Variants in ERMP1 observed in about 807,000 individuals in gnomAD.
ERMP1 encodes endoplasmic reticulum metallopeptidase 1.
Under a neutral mutation model 92.0 loss-of-function variants are expected in ERMP1, and 86 were observed. That is an observed-to-expected ratio of 0.93 (90% CI 0.79 to 1.12). The LOEUF is 1.12. Ranked by LOEUF, ERMP1 falls within the 50% of genes most tolerant of loss-of-function variation. The pLI, the probability that ERMP1 is intolerant of heterozygous loss-of-function variation, is 0.00. For missense variants in ERMP1, 1,342 were observed against 1,116.3 expected (o/e 1.20, Z -2.88); for synonymous variants, 530 against 412.8 (o/e 1.28, Z -3.44).
upstream of ERMP1, chr9:5,833,152 C>T (rs1190027747): frequency 1.1e-6 from 1 of 884,808 alleles, no homozygotes; most frequent in Non-Finnish European, 1.6e-6. Context: ...GGCCAAACTT[C>T]TTCTGATTGG....
chr9:5,812,723 TG>T, intron 5 of ERMP1, 165 bp downstream of exon 5: 1 of 747,634 alleles, frequency 1.3e-6, no homozygotes, highest in Non-Finnish European at 2.3e-6. Flanking sequence ...TAAATTAGTA[TG>T]GAGTTTAAAA....
chr9:5,801,414 T>C, intron 10 of ERMP1, 86 bp from the exon 11 acceptor site: 1 of 1,363,560 alleles, frequency 7.3e-7, no homozygotes. Context: ...TTTTTAACAG[T>C]ATTACCTAAC....
chr9:5,829,882 C>G (rs1404665465), intron 2 of ERMP1, among the ~76,000 whole-genome samples: 1 of 152,194 alleles, frequency 6.6e-6, no homozygotes. Context: ...CCTTTAACCA[C>G]TGAATACAAT....
chr9:5,803,371 A>T (rs1022955523), intron 10 of ERMP1, among the ~76,000 whole-genome samples: 3 of 152,178 alleles, frequency 2.0e-5, no homozygotes, highest in Non-Finnish European at 2.9e-5. Flanking sequence ...TTTCCCAATA[A>T]AATATAATTT....
At chr9:5,834,506 T>C (rs1830058239), upstream of ERMP1, among the ~76,000 whole-genome samples, 1 of 152,208 alleles carries the variant, frequency 6.6e-6, no homozygotes, top group African/African-American at 2.4e-5. Context: ...TCAATAGATA[T>C]TTCTTGAGTG....
At chr9:5,864,224 C>A (rs570304851) in intron 5 of ERMP1, among the ~76,000 whole-genome samples, 1 of 152,286 alleles carries the variant, frequency 6.6e-6, no homozygotes, top group Admixed American at 6.5e-5. Context: ...TTGCTTGAGG[C>A]CATTTTCAAA....
At position 5,817,063 on chromosome 9, in the gene ERMP1, T is replaced by C. The variant is rs189281625; in HGVS notation, c.875-4028A>G. 1.1e-4 allele frequency among the ~76,000 whole-genome samples: 16 copies of C among 150,246 alleles called. 1 individual carries two copies. The Admixed American group carries it at 1.1e-3, about 10-fold the overall frequency. ...ACAGGCGCCTGCCAATATGCCCGGG[T>C]AATTTTTTGTATTTTTAGTAGAGAT... On this transcript the variant is annotated intron_variant, in intron 4 of 14. Transcript: ENST00000339450.
chr9:5,828,275 G>A (rs1829802580), intron 2 of ERMP1, among the ~76,000 whole-genome samples: 1 of 152,170 alleles, frequency 6.6e-6, no homozygotes, highest in Admixed American at 6.5e-5. Context: ...TCCAAAATAT[G>A]TCACTTTGAC....
Position 5,798,027 on chromosome 9 carries a change from G to T in ERMP1, c.2271-95C>A. The T allele has an allele frequency of 3.8e-6, 3 of 793,626 alleles. No individual in the cohort carries two copies. In the South Asian group the frequency reaches 4.6e-5, roughly 12 times the overall value. The allele number at this position is 793,626 out of a possible 1,614,324, so 49.2% of individuals were successfully genotyped here. On this transcript the variant is annotated intron_variant, in intron 12 of 14. Transcript: ENST00000339450. ...GTTCAGCATATATGAACACATTTTT[G>T]GGTATGAAAATAAACTGACAGACAT...
rs533387599 is a variant in ERMP1, at chr9:5,864,605, G to C, written n.3055+3197C>G. Among the ~76,000 whole-genome samples, 17 of 152,310 alleles carry C rather than the reference G, an allele frequency of 1.1e-4. No homozygotes were observed. The South Asian group carries it at 3.3e-3, about 30-fold the overall frequency. ...TGTCAAAATGACAGGCTTTCCTCAG[G>C]GGGTGGTAGAGATGTTTGGGGCAGG... On this transcript the variant is annotated intron_variant and non_coding_transcript_variant, in intron 5 of 6. Coordinates refer to the ERMP1 transcript ENST00000690753.
chr9:5,832,680 C>T lies in ERMP1; in HGVS notation c.338+10G>A, dbSNP rs1385106173. The T allele has an allele frequency of 1.2e-5, 17 of 1,418,170 alleles. No homozygotes were observed. The highest frequency in any genetic ancestry group is 1.6e-5 in the Non-Finnish European group (17 of 1,092,470). 87.8% of individuals were successfully genotyped at this position (1,418,170 alleles called of 1,614,324 possible). On this transcript the variant is annotated intron_variant, in intron 1 of 14. Coordinates refer to ENST00000339450, the MANE Select transcript of ERMP1 (RefSeq NM_024896.3). ...ACGCGCGGGCCGTGCCAGGAGGGAG[C>T]GGCCGGTACCTGGCTTGGAGCGCGT...
intron 6 of ERMP1, among the ~76,000 whole-genome samples, chr9:5,838,686 GT>G (rs1191508551): frequency 1.3e-5 from 2 of 151,794 alleles, no homozygotes; most frequent in Non-Finnish European, 2.9e-5. Context: ...AAAAATAAGA[GT>G]TAAATAAATT....
chr9:5,855,988 T>G (rs945051985), intron 6 of ERMP1: 1 of 302,210 alleles, frequency 3.3e-6, no homozygotes, highest in South Asian at 3.9e-5. Context: ...CTAATGGTTC[T>G]CCAGAGATGT....
chr9:5,810,362 C>T, intron 7 of ERMP1, 131 bp from the exon 8 acceptor site: 1 of 638,648 alleles, frequency 1.6e-6, no homozygotes, highest in Non-Finnish European at 2.7e-6. Context: ...ATGAAAATGT[C>T]CTAGTGTTGA....
chr9:5,789,865 G>A lies in ERMP1; in HGVS notation c.2387-2272C>T, dbSNP rs62558093. ...ACCTGGCCTTTTTTTTTTTTTTTTG[G>A]TAGAGATGGGGTCTCCCCGTGTTGC... On this transcript the variant is annotated intron_variant, in intron 13 of 14. Transcript: ENST00000339450. 4.7e-5 allele frequency among the ~76,000 whole-genome samples: 4 copies of A among 84,406 alleles called. No homozygotes were observed. The East Asian group carries it at 4.4e-3, about 93-fold the overall frequency. The allele number at this position is 84,406 out of a possible 152,430, so 55.4% of individuals were successfully genotyped here. A position where few individuals can be genotyped will look rare whatever the true frequency, so the allele number is the denominator to read the frequency against.
At chr9:5,813,080 T>TG (rs1483682382) in intron 4 of ERMP1, 45 bp from the exon 5 acceptor site, 1 of 1,604,610 alleles carries the variant, frequency 6.2e-7, no homozygotes, top group East Asian at 2.2e-5. Flanking sequence ...TCCGGCAATT[T>TG]TTTTTAACAT....
chr9:5,833,204 C>G, upstream of ERMP1: 1 of 577,792 alleles, frequency 1.7e-6, no homozygotes, highest in South Asian at 2.7e-5. Flanking sequence ...TGGCAGTTCT[C>G]GGGTGCACAC....
chr9:5,857,442 A>G (rs1002452269), intron 6 of ERMP1, among the ~76,000 whole-genome samples: 4 of 152,216 alleles, frequency 2.6e-5, no homozygotes, highest in African/African-American at 7.2e-5. Flanking sequence ...GTGTGTCTCA[A>G]TGACCACAAA....
intron 10 of ERMP1, among the ~76,000 whole-genome samples, chr9:5,804,266 G>T (rs1828785542): frequency 6.6e-6 from 1 of 152,080 alleles, no homozygotes; most frequent in Non-Finnish European, 1.5e-5. Context: ...CTCTGGAGGG[G>T]CCCATCTTGG....
Sources: gnomAD v4.1 joint callset for allele counts (sites outside exome capture counted in the v4.1 genomes callset) on GRCh38, gnomAD v4.1.1 for gene constraint, MANE v1.5 for transcripts, NCBI Gene and HGNC (gene_info 2026-07-23, HGNC 2026-07-21) for gene names.